Variants in NOL4L observed in about 807,000 individuals in gnomAD.
NOL4L encodes the protein nucleolar protein 4 like, also known as nucleolar protein 4-like.
NOL4L carries 7 observed loss-of-function variants against 64.5 expected under a neutral mutation model. The ratio of observed to expected loss-of-function variants is 0.11; its 90% CI spans 0.06 to 0.20. NOL4L has a LOEUF of 0.20. NOL4L is among the 10% of genes least tolerant of loss of function. The pLI, the probability that NOL4L is intolerant of heterozygous loss-of-function variation, is 1.00. For missense variants in NOL4L, 680 were observed against 967.1 expected, an observed-to-expected ratio of 0.70 and a Z score of 3.94; for synonymous variants, 413 against 401.0, an observed-to-expected ratio of 1.03 and a Z score of -0.36.
intron 1 of NOL4L, among the ~76,000 whole-genome samples, chr20:32,566,677 G>A (rs2145617398): frequency 6.6e-6 from 1 of 152,266 alleles, no homozygotes; most frequent in African/African-American, 2.4e-5. Context: ...ACGGGGCTCT[G>A]CTCAAAATGT....
At chr20:32,484,661 T>C (rs952241335) in intron 4 of NOL4L, among the ~76,000 whole-genome samples, 2 of 151,592 alleles carry the variant, frequency 1.3e-5, no homozygotes, top group African/African-American at 2.4e-5. Flanking sequence ...CGAGCCACAG[T>C]TGTAAAGTAA....
intron 1 of NOL4L, among the ~76,000 whole-genome samples, chr20:32,581,484 T>C (rs1980468522): frequency 6.6e-6 from 1 of 152,068 alleles, no homozygotes; most frequent in Non-Finnish European, 1.5e-5. Flanking sequence ...CGCATATGGC[T>C]GTGGGAGGAG....
rs115091460 is a variant in NOL4L, at chr20:32,453,618, G to A, written c.1263C>T (p.Asn421=). 4.4e-3 allele frequency: 7,070 copies of A among 1,612,652 alleles called. 274 individuals carry two copies. The African/African-American group carries it at 0.084, about 19-fold the overall frequency. The change falls in exon 7 of 11, where the codon AAC becomes AAT. Residue 421 remains asparagine, a synonymous_variant. Transcript: ENST00000621426. This position sits in a 1 kb window ranked among gnomAD's most constrained non-coding sequence, Gnocchi z 5.6. The part of the protein sequence containing the change: ...HDDHEDNDKM[N]DSEGMDPERL... ...GCTCAGGGTCCATGCCTTCAGAGTCGTTCATCTTGTCATTGTCCTCATGGT... is the reference window on the plus strand; with the variant it reads ...GCTCAGGGTCCATGCCTTCAGAGTCATTCATCTTGTCATTGTCCTCATGGT...
rs1317008246 is a variant in NOL4L, at chr20:32,520,800, A to G, written c.589+11T>C. 7.2e-6 allele frequency: 11 copies of G among 1,521,350 alleles called. No homozygotes were observed. The highest frequency in any genetic ancestry group is 1.4e-5 in the African/African-American group (1 of 72,518). 94.2% of individuals were successfully genotyped at this position (1,521,350 alleles called of 1,614,324 possible). ...CCCCGCCCTAGCCCTCCAGCACGCC[A>G]CCCCTGCTACCTTTGGGTTCCAGGC... On this transcript the variant is annotated intron_variant, in intron 3 of 10. Transcript: ENST00000621426.
chr20:32,582,222 G>C (rs978228550), intron 1 of NOL4L: 1 of 152,204 alleles, frequency 6.6e-6, no homozygotes, highest in Non-Finnish European at 1.5e-5. Context: ...TGTGTTTGTC[G>C]ATCTCCTGGC....
chr20:32,498,858 T>C (rs1401959791), intron 4 of NOL4L, among the ~76,000 whole-genome samples: 1 of 152,080 alleles, frequency 6.6e-6, no homozygotes, highest in African/African-American at 2.4e-5. Flanking sequence ...AAGCACTGTT[T>C]CTACTTAAAA....
At chr20:32,537,064 C>T (rs1203150186) in intron 1 of NOL4L, 1 of 985,046 alleles carries the variant, frequency 1.0e-6, no homozygotes, top group Non-Finnish European at 1.2e-6. Flanking sequence ...CTGCCCCGCC[C>T]CCCCGGGACG....
chr20:32,512,259 A>G (rs2017442127), intron 3 of NOL4L, among the ~76,000 whole-genome samples: 1 of 152,120 alleles, frequency 6.6e-6, no homozygotes, highest in African/African-American at 2.4e-5. Flanking sequence ...ATCAATTATG[A>G]TACTTGCCAG....
At chr20:32,525,004 GA>G (rs1234086814) in intron 2 of NOL4L, among the ~76,000 whole-genome samples, 1 of 152,262 alleles carries the variant, frequency 6.6e-6, no homozygotes, top group Non-Finnish European at 1.5e-5. Flanking sequence ...CCCTGCTGCT[GA>G]AATTCCAGCT....
Position 32,584,864 on chromosome 20 carries a change from G to A in NOL4L, c.27C>T (p.Arg9=), listed in dbSNP as rs1402929646. The part of the protein sequence containing the change: MPKPTLLL[R]GGWERERSPG... ...GGCTGCGCTCGCGCTCCCAGCCCCCGCGCAGCAGCAGCGTCGGCTTCGGCA... is the reference window on the plus strand; with the variant it reads ...GGCTGCGCTCGCGCTCCCAGCCCCCACGCAGCAGCAGCGTCGGCTTCGGCA... Residue 9 remains arginine (R), a synonymous_variant, in exon 1 of 11, where the codon CGC becomes CGT. Coordinates refer to ENST00000621426, the MANE Select transcript of NOL4L (RefSeq NM_001256798.2). 7.1e-7 allele frequency: 1 copy of A among 1,414,876 alleles called. No homozygotes were observed. Among genetic ancestry groups the A allele is most frequent in the East Asian group, 3.1e-5 (1 of 32,712 alleles). 87.6% of individuals were successfully genotyped at this position (1,414,876 alleles called of 1,614,324 possible). A position where few individuals can be genotyped will look rare whatever the true frequency, so the allele number is the denominator to read the frequency against.
chr20:32,567,905 A>C (rs905696488), intron 1 of NOL4L, among the ~76,000 whole-genome samples: 2 of 150,456 alleles, frequency 1.3e-5, no homozygotes, highest in Non-Finnish European at 2.9e-5. Context: ...CATCTTCATC[A>C]CCATCATTAC....
intron 1 of NOL4L, among the ~76,000 whole-genome samples, chr20:32,574,536 C>G (rs1237038590): frequency 6.6e-6 from 1 of 152,196 alleles, no homozygotes; most frequent in Non-Finnish European, 1.5e-5. Flanking sequence ...TGTCCTCAGA[C>G]AAGGCCGGAG....
At chr20:32,524,698 G>A (rs948174950) in intron 2 of NOL4L, among the ~76,000 whole-genome samples, 2 of 152,186 alleles carry the variant, frequency 1.3e-5, no homozygotes, top group Non-Finnish European at 2.9e-5. Context: ...ATCAGCAGGG[G>A]TTTCCTTGGG....
chr20:32,578,212 C>A (rs979153921), intron 1 of NOL4L, among the ~76,000 whole-genome samples: 1 of 149,810 alleles, frequency 6.7e-6, no homozygotes, highest in African/African-American at 2.5e-5. Flanking sequence ...GATAAAAGGG[C>A]AGAGATGGGA....
At chr20:32,530,119 T>C (rs2018289924) in intron 1 of NOL4L, among the ~76,000 whole-genome samples, 1 of 152,224 alleles carries the variant, frequency 6.6e-6, no homozygotes, top group African/African-American at 2.4e-5. Flanking sequence ...AATATTATGA[T>C]AGGTCAGTTA....
Position 32,502,000 on chromosome 20 carries a change from T to C in NOL4L, c.699+9347A>G, listed in dbSNP as rs138062593. 1.5e-3 allele frequency among the ~76,000 whole-genome samples: 223 copies of C among 152,308 alleles called. 1 individual carries two copies. The highest frequency in any genetic ancestry group is 0.014 in the Middle Eastern group (4 of 294). On this transcript the variant is annotated intron_variant, in intron 4 of 10. Coordinates refer to ENST00000621426, the MANE Select transcript of NOL4L (RefSeq NM_001256798.2). ...AATAATATAAACAATGAATAGCAAT[T>C]TATCTAAATAGAGAGGTATAGATAT...
At chr20:32,488,803 CTTTT>C (rs11470574) in intron 4 of NOL4L, among the ~76,000 whole-genome samples, 2,162 of 58,130 alleles carry the variant, frequency 0.037, 223 homozygotes, top group Middle Eastern at 0.1. Flanking sequence ...TTCTTTCTTT[CTTTT>C]TCTTTCTTTC....
chr20:32,450,869 G>T (rs1170678484), intron 10 of NOL4L, among the ~76,000 whole-genome samples: 2 of 152,220 alleles, frequency 1.3e-5, no homozygotes, highest in African/African-American at 4.8e-5. Context: ...TCCGGCCTTA[G>T]CTTCAGGGAT....
chr20:32,474,767 CATTCAGCA>C (rs1568629271), intron 4 of NOL4L, 25 bp from the exon 5 acceptor site: 1 of 1,583,444 alleles, frequency 6.3e-7, no homozygotes. Context: ...AGAAGGTGGG[CATTCAGCA>C]GGGACGGGCT....
Sources: gnomAD v4.1 joint callset for allele counts (sites outside exome capture counted in the v4.1 genomes callset) on GRCh38, gnomAD v4.1.1 for gene constraint, Gnocchi (gnomAD v3.1) non-coding constraint, MANE v1.5 for transcripts, NCBI Gene and HGNC (gene_info 2026-07-23, HGNC 2026-07-21) for gene names.